Variants in PFKFB3 observed in about 807,000 individuals in gnomAD.
PFKFB3 encodes the protein 6-phosphofructo-2-kinase/fructose-2,6-biphosphatase 3, also known as 6-phosphofructo-2-kinase/fructose-2,6-bisphosphatase 3.
In PFKFB3, 33 loss-of-function variants were observed where a neutral mutation model predicts 68.0. The ratio of observed to expected loss-of-function variants is 0.49; its 90% CI spans 0.37 to 0.65. The LOEUF (loss-of-function observed/expected upper bound fraction) is 0.65, where lower values mean the gene tolerates loss of function less well. PFKFB3 is among the 30% of genes least tolerant of loss of function. The pLI is 0.00. For synonymous variants in PFKFB3, 315 were observed against 288.2 expected, an observed-to-expected ratio of 1.09 and a Z score of -0.94; for missense variants, 586 against 712.2, an observed-to-expected ratio of 0.82 and a Z score of 2.02.
the PFKFB3 span, among the ~76,000 whole-genome samples, chr10:6,292,541 A>G: frequency 0.031 from 4,680 of 151,514 alleles, 222 homozygotes; most frequent in African/African-American, 0.11. Flanking sequence ...TGCCCACTTC[A>G]ACCTTCCAAA....
At chr10:6,299,183 C>T in the PFKFB3 span, among the ~76,000 whole-genome samples, 4 of 152,204 alleles carry the variant, frequency 2.6e-5, no homozygotes, top group African/African-American at 9.7e-5. Context: ...AGGGGAGACA[C>T]GTCAGTTGAT....
chr10:6,204,091 T>C (rs935102791), intron 1 of PFKFB3, among the ~76,000 whole-genome samples: 20 of 152,272 alleles, frequency 1.3e-4, no homozygotes, highest in African/African-American at 4.3e-4. Flanking sequence ...GTGCTCGGAA[T>C]TGGCTGGCAG....
intron 10 of PFKFB3, among the ~76,000 whole-genome samples, chr10:6,222,387 T>C (rs1423145730): frequency 1.3e-5 from 2 of 152,264 alleles, no homozygotes; most frequent in Non-Finnish European, 2.9e-5. Flanking sequence ...TTTCATCACG[T>C]TAAAGTTATG....
At chr10:6,320,861 C>G in the PFKFB3 span, among the ~76,000 whole-genome samples, 1,346 of 152,320 alleles carry the variant, frequency 8.8e-3, 12 homozygotes, top group South Asian at 0.034. Context: ...TTGTGCCTGA[C>G]AGGAGAGAGG....
downstream of PFKFB3, among the ~76,000 whole-genome samples, chr10:6,256,652 C>A (rs946402117): frequency 2.6e-5 from 4 of 152,230 alleles, no homozygotes; most frequent in South Asian, 8.3e-4. Flanking sequence ...GTGGCTCCTC[C>A]CAGGTGTATT....
chr10:6,301,658 G>A, the PFKFB3 span, among the ~76,000 whole-genome samples: 1 of 152,188 alleles, frequency 6.6e-6, no homozygotes, highest in Non-Finnish European at 1.5e-5. Context: ...TGACCCAGTA[G>A]GGCAGTTCGT....
chr10:6,304,104 C>T, the PFKFB3 span, among the ~76,000 whole-genome samples: 19 of 152,170 alleles, frequency 1.2e-4, no homozygotes, highest in African/African-American at 3.9e-4. Context: ...GCCCCAGAGA[C>T]GCACCTTGTT....
At chr10:6,282,728 G>T in the PFKFB3 span, among the ~76,000 whole-genome samples, 1 of 152,226 alleles carries the variant, frequency 6.6e-6, no homozygotes, top group Non-Finnish European at 1.5e-5. Flanking sequence ...ACTCAAAAGA[G>T]GAGAAGACGA....
Position 6,229,090 on chromosome 10 carries a change from C to G in PFKFB3, c.1515+2725C>G, listed in dbSNP as rs563651550. The G allele has an allele frequency of 1.0e-4, 53 of 529,812 alleles. 1 individual carries two copies. Among genetic ancestry groups the G allele is most frequent in the Admixed American group, 5.3e-4 (27 of 51,066 alleles). The allele number at this position is 529,812 out of a possible 1,614,324, so 32.8% of individuals were successfully genotyped here. On this transcript the variant is annotated intron_variant, in intron 14 of 14. Coordinates refer to ENST00000379775, the MANE Select transcript of PFKFB3 (RefSeq NM_004566.4). This position sits in a 1 kb window ranked among gnomAD's most constrained non-coding sequence, Gnocchi z 4.3. ...TATTTCCTGTTTGCTCCTTAAGTTA[C>G]CTTAACTACTTTATGCAGAAACTGG...
chr10:6,198,290 C>T (rs538763969), upstream of PFKFB3, among the ~76,000 whole-genome samples: 10 of 151,440 alleles, frequency 6.6e-5, no homozygotes, highest in African/African-American at 2.4e-4. Context: ...AAAGGAAATG[C>T]CCACAGGAGA....
At chr10:6,319,622 G>A in the PFKFB3 span, among the ~76,000 whole-genome samples, 875 of 151,660 alleles carry the variant, frequency 5.8e-3, 8 homozygotes, top group African/African-American at 0.019. Flanking sequence ...CATGTAACAC[G>A]TAACAAAACT....
intron 14 of PFKFB3, among the ~76,000 whole-genome samples, chr10:6,245,402 T>TTTATTA (rs60958617): frequency 0.5 from 73,374 of 146,844 alleles, 18,573 homozygotes; most frequent in Admixed American, 0.54. Context: ...GCCTATTTGA[T>TTTATTA]TTATTATTAT....
intron 1 of PFKFB3, among the ~76,000 whole-genome samples, chr10:6,148,787 C>G (rs540384975): frequency 3.9e-5 from 6 of 152,110 alleles, no homozygotes; most frequent in Admixed American, 2.6e-4. Context: ...CCTTAGAAAT[C>G]GAATAGATGG....
intron 1 of PFKFB3, 42 bp downstream of exon 1, chr10:6,203,378 G>C: frequency 1.3e-6 from 2 of 1,499,372 alleles, no homozygotes; most frequent in African/African-American, 1.4e-5. Context: ...GGCGGGCTGC[G>C]CCGGGCCGGG....
At chr10:6,167,444 G>T (rs1269671505) in intron 1 of PFKFB3, among the ~76,000 whole-genome samples, 1 of 152,196 alleles carries the variant, frequency 6.6e-6, no homozygotes, top group Non-Finnish European at 1.5e-5. Context: ...TCTGAAGAGA[G>T]GAATACTTTA....
At chr10:6,285,225 A>ATTTTTTTTTTTT in the PFKFB3 span, among the ~76,000 whole-genome samples, 2 of 139,460 alleles carry the variant, frequency 1.4e-5, no homozygotes, top group African/African-American at 5.2e-5. Flanking sequence ...TACAATCTCT[A>ATTTTTTTTTTTT]TTTTTTTTTT....
chr10:6,298,535 T>G, the PFKFB3 span, among the ~76,000 whole-genome samples: 6 of 152,052 alleles, frequency 3.9e-5, no homozygotes, highest in African/African-American at 1.4e-4. Flanking sequence ...CTGGATAATT[T>G]TTAAATATTT....
chr10:6,278,529 C>G, the PFKFB3 span, among the ~76,000 whole-genome samples: 7 of 152,254 alleles, frequency 4.6e-5, no homozygotes, highest in Non-Finnish European at 1.0e-4. Context: ...CCCACCTCGG[C>G]CTCCCAAAGT....
intron 1 of PFKFB3, chr10:6,197,758 G>C (rs1156543842): frequency 6.6e-6 from 1 of 152,238 alleles, no homozygotes; most frequent in Non-Finnish European, 1.5e-5. Context: ...TGGTCTTGCT[G>C]TCTCAGGGGT....
Sources: allele counts gnomAD v4.1 joint callset (sites outside exome capture counted in the v4.1 genomes callset), GRCh38; gene constraint gnomAD v4.1.1; non-coding constraint Gnocchi (gnomAD v3.1); transcripts MANE v1.5; gene names NCBI Gene and HGNC (gene_info 2026-07-23, HGNC 2026-07-21).